Variants in GEMIN8 observed in about 807,000 individuals in gnomAD.
The protein encoded by GEMIN8 is gem nuclear organelle associated protein 8.
For missense variants in GEMIN8, 185 were observed against 205.9 expected, an observed-to-expected ratio of 0.90 and a Z score of 0.62; for synonymous variants, 80 against 78.5, an observed-to-expected ratio of 1.02 and a Z score of -0.10.
At chrX:14,024,261 GGCC>G (rs1198515581) in intron 2 of GEMIN8, among the ~76,000 whole-genome samples, 1 of 112,197 alleles carries the variant, frequency 8.9e-6, no homozygotes, top group Non-Finnish European at 1.9e-5. Context: ...CACTTTGGGA[GGCC>G]GAGGTGGGTG....
chrX:14,009,084 T>C lies in GEMIN8; in HGVS notation c.558A>G (p.Val186=). Residue 186 remains valine (V), a synonymous_variant, in exon 5 of 5, where the codon GTA becomes GTG. Transcript: ENST00000680255. ...CACCAGGCCTCTCAGTTGGGGCTTCTACCGACCGGCGGGTGTTGCAGTACA... is the reference window on the plus strand; with the variant it reads ...CACCAGGCCTCTCAGTTGGGGCTTCCACCGACCGGCGGGTGTTGCAGTACA... ...HDLYCNTRRS[V]EAPTERPGER... is the part of the protein sequence containing the mutation. 8.3e-7 allele frequency: 1 copy of C among 1,212,019 alleles called. No homozygotes were observed. The highest frequency in any genetic ancestry group is 1.1e-6 in the Non-Finnish European group (1 of 895,330).
downstream of GEMIN8, among the ~76,000 whole-genome samples, chrX:14,002,006 A>C (rs1419714248): frequency 2.9e-5 from 3 of 103,953 alleles, no homozygotes; most frequent in African/African-American, 1.1e-4. Flanking sequence ...CTCTAATCCC[A>C]GCTACTCTGG....
chrX:13,988,202 G>T, the GEMIN8 span, among the ~76,000 whole-genome samples: 1 of 111,146 alleles, frequency 9.0e-6, no homozygotes, highest in African/African-American at 3.3e-5. Flanking sequence ...GGTGGGATGC[G>T]GGCGTAGCAA....
intron 4 of GEMIN8, chrX:14,014,278 T>G (rs1923763611): frequency 1.3e-6 from 1 of 751,788 alleles, no homozygotes; most frequent in African/African-American, 2.3e-5. Context: ...AAACTTGATG[T>G]ATGCCATGAA....
intron 1 of GEMIN8, among the ~76,000 whole-genome samples, chrX:14,029,201 C>T (rs1199444195): frequency 1.8e-5 from 2 of 112,062 alleles, no homozygotes; most frequent in Non-Finnish European, 3.8e-5. Context: ...ACTGTAGGCG[C>T]CAGATGTCTC....
chrX:14,009,285 C>A, intron 4 of GEMIN8, 116 bp from the exon 5 acceptor site: 1 of 721,934 alleles, frequency 1.4e-6, no homozygotes, highest in Admixed American at 3.3e-5. Flanking sequence ...TAAGGTCCCT[C>A]ATCTTTCCCT....
the GEMIN8 span, among the ~76,000 whole-genome samples, chrX:13,992,301 A>C: frequency 1.8e-5 from 2 of 112,197 alleles, no homozygotes; most frequent in South Asian, 7.5e-4. Flanking sequence ...GGGAGAAATA[A>C]AGGCATCAGA....
At chrX:14,019,184 A>G (rs1289429254) in intron 4 of GEMIN8, among the ~76,000 whole-genome samples, 3 of 111,588 alleles carry the variant, frequency 2.7e-5, no homozygotes, top group Non-Finnish European at 5.6e-5. Flanking sequence ...GGAAAATTGT[A>G]GGTAAAATGT....
the GEMIN8 span, among the ~76,000 whole-genome samples, chrX:14,001,535 C>T: frequency 9.0e-6 from 1 of 111,041 alleles, no homozygotes; most frequent in Admixed American, 9.5e-5. Context: ...CGCTTTTTTT[C>T]CCCTGAGACA....
At chrX:14,012,292 A>AT (rs63295862) in intron 4 of GEMIN8, among the ~76,000 whole-genome samples, 301 of 96,394 alleles carry the variant, frequency 3.1e-3, no homozygotes, top group Middle Eastern at 5.2e-3. Context: ...TAATTTTTGT[A>AT]TTTTTTTTTT....
At chrX:13,996,933 C>CTTTTTTT in the GEMIN8 span, among the ~76,000 whole-genome samples, 6 of 66,919 alleles carry the variant, frequency 9.0e-5, no homozygotes, top group African/African-American at 1.9e-4. Context: ...TGTGGCTTGT[C>CTTTTTTT]TTTTTTTTTT....
At chrX:14,025,131 C>G (rs917113117) in intron 2 of GEMIN8, among the ~76,000 whole-genome samples, 1 of 111,812 alleles carries the variant, frequency 8.9e-6, no homozygotes. Flanking sequence ...ATTACACATT[C>G]GTCTCTCAAA....
chrX:14,000,158 G>C, the GEMIN8 span, among the ~76,000 whole-genome samples: 1 of 109,922 alleles, frequency 9.1e-6, no homozygotes, highest in East Asian at 2.9e-4. Context: ...AATTAGCTGG[G>C]CATGGTGGCT....
the GEMIN8 span, among the ~76,000 whole-genome samples, chrX:13,992,509 G>T: frequency 2.7e-5 from 3 of 111,569 alleles, no homozygotes; most frequent in Non-Finnish European, 5.6e-5. Flanking sequence ...TAGAGGGGTA[G>T]AGGAATCCCC....
At chrX:13,998,835 G>A in the GEMIN8 span, among the ~76,000 whole-genome samples, 2 of 111,984 alleles carry the variant, frequency 1.8e-5, no homozygotes, top group Non-Finnish European at 3.8e-5. Context: ...ATACAAGGCA[G>A]GTAATGTGTG....
rs753430906 is a variant in GEMIN8 at position 14,007,826 on chromosome X, C to T, written c.*1087G>A. On this transcript the variant is annotated 3_prime_UTR_variant, in exon 5 of 5. Transcript: ENST00000680255. ...ACAGGCATGAGCCACCGCGCCGGGCCGGAATTATTGTTCTTTGCTCTCAAT... is the reference window on the plus strand; with the variant it reads ...ACAGGCATGAGCCACCGCGCCGGGCTGGAATTATTGTTCTTTGCTCTCAAT... Among the ~76,000 whole-genome samples the T allele has an allele frequency of 1.8e-5, 2 of 110,274 alleles. No individual in the cohort carries two copies. The highest frequency in any genetic ancestry group is 9.7e-5 in the Admixed American group (1 of 10,324).
At chrX:14,016,966 T>G (rs1180119237) in intron 4 of GEMIN8, among the ~76,000 whole-genome samples, 3 of 105,252 alleles carry the variant, frequency 2.9e-5, no homozygotes, top group African/African-American at 1.0e-4. Context: ...TAATAATCCA[T>G]GTTAAAGGAT....
the GEMIN8 span, among the ~76,000 whole-genome samples, chrX:13,986,995 C>T: frequency 8.9e-6 from 1 of 112,388 alleles, no homozygotes; most frequent in African/African-American, 3.2e-5. Flanking sequence ...CTGCCTTTAT[C>T]TTGCCTTTAT....
chrX:14,015,386 A>G (rs1923837184), intron 4 of GEMIN8, among the ~76,000 whole-genome samples: 1 of 112,910 alleles, frequency 8.9e-6, no homozygotes, highest in Admixed American at 9.3e-5. Context: ...TTTTCCATTG[A>G]AGCTTTAAGT....
Sources: gnomAD v4.1 joint callset for allele counts (sites outside exome capture counted in the v4.1 genomes callset) on GRCh38, gnomAD v4.1.1 for gene constraint, MANE v1.5 for transcripts, NCBI Gene and HGNC (gene_info 2026-07-23, HGNC 2026-07-21) for gene names.